The following APBA2 variants were observed in gnomAD, a reference collection of about 807,000 sequenced individuals.
APBA2 encodes the protein amyloid beta precursor protein binding family A member 2, also known as amyloid-beta A4 precursor protein-binding family A member 2.
APBA2 carries 30 observed loss-of-function variants against 75.0 expected under a neutral mutation model. That is an observed-to-expected ratio of 0.40 (90% CI 0.30 to 0.54). The LOEUF (loss-of-function observed/expected upper bound fraction) is 0.54. APBA2 is among the 20% of genes least tolerant of loss of function. The pLI is 0.49. For missense variants in APBA2, 801 were observed against 1,016.1 expected, an observed-to-expected ratio of 0.79 and a Z score of 2.88; for synonymous variants, 444 against 409.6, an observed-to-expected ratio of 1.08 and a Z score of -1.01.
intron 1 of APBA2, among the ~76,000 whole-genome samples, chr15:28,891,851 C>A (rs2032152068): frequency 1.3e-5 from 2 of 152,108 alleles, no homozygotes; most frequent in African/African-American, 4.8e-5. Context: ...TGACAGAGGT[C>A]CCATAAGATT....
chr15:29,083,359 G>A (rs1236815281), intron 6 of APBA2, among the ~76,000 whole-genome samples: 1 of 152,082 alleles, frequency 6.6e-6, no homozygotes, highest in Admixed American at 6.6e-5. Flanking sequence ...CCAGATCCAG[G>A]CTGCTTTATT....
In APBA2 at chr15:29,093,066, C is replaced by T. The variant is rs184776473; in HGVS notation, c.1070-9C>T. On this transcript the variant is annotated splice_polypyrimidine_tract_variant and intron_variant, in intron 6 of 14. Coordinates refer to ENST00000683413, the MANE Select transcript of APBA2 (RefSeq NM_001353788.2). ...TCTAGGAAGACTCTGACTCTGTGCC[C>T]TCCTTCAGTTCCAGGGCCCTGCGAA... 9.9e-5 allele frequency: 159 copies of T among 1,614,194 alleles called. No homozygotes were observed. In the African/African-American group the frequency reaches 1.0e-3, roughly 10 times the overall value.
At chr15:28,964,306 C>T (rs2036623385) in intron 2 of APBA2, among the ~76,000 whole-genome samples, 1 of 152,186 alleles carries the variant, frequency 6.6e-6, no homozygotes, top group African/African-American at 2.4e-5. Flanking sequence ...TCTCCACATC[C>T]TTGCCAGCAT....
At chr15:28,977,818 T>C (rs184709508) in intron 2 of APBA2, among the ~76,000 whole-genome samples, 1 of 151,456 alleles carries the variant, frequency 6.6e-6, no homozygotes, top group African/African-American at 2.4e-5. Flanking sequence ...CTCACAGGAG[T>C]GAGAACCCTA....
At chr15:29,039,097 GGGTGT>G (rs2040893006) in intron 3 of APBA2, among the ~76,000 whole-genome samples, 1 of 136,792 alleles carries the variant, frequency 7.3e-6, no homozygotes, top group Non-Finnish European at 1.5e-5. Context: ...CTGTATGTCA[GGGTGT>G]GTGTGTGTGT....
intron 4 of APBA2, among the ~76,000 whole-genome samples, chr15:29,063,144 T>TG (rs1430821899): frequency 1.0e-5 from 1 of 95,360 alleles, no homozygotes; most frequent in Admixed American, 1.1e-4. Flanking sequence ...GGAGTTGATC[T>TG]GGTCAGTGTC....
At chr15:29,099,863 C>A (rs1371247144) in intron 9 of APBA2, among the ~76,000 whole-genome samples, 1 of 152,252 alleles carries the variant, frequency 6.6e-6, no homozygotes, top group African/African-American at 2.4e-5. Context: ...CTAATACCCA[C>A]AGCCCCAGCT....
intron 10 of APBA2, 137 bp downstream of exon 10, chr15:29,101,921 C>G: frequency 1.2e-6 from 1 of 859,432 alleles, no homozygotes; most frequent in African/African-American, 1.7e-5. Flanking sequence ...GATCAGTGAT[C>G]TTTTGCATAC....
Position 29,114,146 on chromosome 15 carries a change from G to A in APBA2, c.2178+130G>A, listed in dbSNP as rs888896973. 35 of 1,381,238 alleles carry A rather than the reference G, an allele frequency of 2.5e-5. No homozygotes were observed. In the Admixed American group the frequency reaches 2.9e-4, roughly 11 times the overall value. 85.6% of individuals were successfully genotyped at this position (1,381,238 alleles called of 1,614,324 possible). Reference sequence around the variant, plus strand: ...CAGCCAGGCTGTGTCTCCCATCGGGGCTGCTGTGACAAGGGTGAATGGAGC... The same window carrying A: ...CAGCCAGGCTGTGTCTCCCATCGGGACTGCTGTGACAAGGGTGAATGGAGC... On this transcript the variant is annotated intron_variant, in intron 14 of 14. Coordinates refer to ENST00000683413, the MANE Select transcript of APBA2 (RefSeq NM_001353788.2).
chr15:28,987,671 A>G (rs895547343), intron 2 of APBA2, among the ~76,000 whole-genome samples: 3 of 149,736 alleles, frequency 2.0e-5, no homozygotes, highest in African/African-American at 7.5e-5. Flanking sequence ...GCCACACTCA[A>G]AGAGAAAGGA....
chr15:29,009,515 A>C (rs1158012930), intron 3 of APBA2, among the ~76,000 whole-genome samples: 1 of 152,182 alleles, frequency 6.6e-6, no homozygotes, highest in African/African-American at 2.4e-5. Context: ...CCAGACTAGG[A>C]AACAAAACAT....
chr15:28,965,517 C>T (rs755082461), intron 2 of APBA2, among the ~76,000 whole-genome samples: 1 of 152,160 alleles, frequency 6.6e-6, no homozygotes, highest in Non-Finnish European at 1.5e-5. Context: ...AAATACCTTA[C>T]AAAGTTTGAC....
At chr15:29,033,089 C>T (rs1406987218) in intron 3 of APBA2, among the ~76,000 whole-genome samples, 1 of 152,212 alleles carries the variant, frequency 6.6e-6, no homozygotes, top group East Asian at 1.9e-4. Flanking sequence ...GCACTGTGGG[C>T]CCCACCCCAG....
intron 3 of APBA2, among the ~76,000 whole-genome samples, chr15:29,039,752 A>G (rs77913126): frequency 0.039 from 5,996 of 152,266 alleles, 390 homozygotes; most frequent in African/African-American, 0.14. Context: ...AAAAATAAAC[A>G]GGTTTTAACT....
At chr15:29,044,679 A>G (rs936001777) in intron 3 of APBA2, among the ~76,000 whole-genome samples, 5 of 152,190 alleles carry the variant, frequency 3.3e-5, no homozygotes, top group African/African-American at 4.8e-5. Context: ...AGGGTCCTGG[A>G]TAAAGGCTCT....
At chr15:28,984,538 T>G (rs2037794584) in intron 2 of APBA2, among the ~76,000 whole-genome samples, 1 of 152,048 alleles carries the variant, frequency 6.6e-6, no homozygotes, top group Admixed American at 6.5e-5. Context: ...GCCAGGATCC[T>G]TCCTGGTCCC....
In APBA2 at chr15:29,088,146, C is replaced by T. The variant is rs114324884; in HGVS notation, c.1070-4929C>T. ...CTTCCTTGACACTGTGCCCAATACA[C>T]GAGGTCTCCTTGTAGTTGGCCTCCT... On this transcript the variant is annotated intron_variant, in intron 6 of 14. Transcript: ENST00000683413. Among the ~76,000 whole-genome samples, 836 of 152,238 alleles carry T rather than the reference C, an allele frequency of 5.5e-3. 10 individuals are homozygous for T. The highest frequency in any genetic ancestry group is 0.019 in the African/African-American group (798 of 41,544).
intron 9 of APBA2, among the ~76,000 whole-genome samples, chr15:29,100,503 G>C (rs901152477): frequency 6.6e-6 from 1 of 152,350 alleles, no homozygotes; most frequent in South Asian, 2.1e-4. Flanking sequence ...GTGCAGTCTT[G>C]TTAGGTAGGG....
chr15:29,042,196 A>C (rs1177383193), intron 3 of APBA2, among the ~76,000 whole-genome samples: 1 of 152,188 alleles, frequency 6.6e-6, no homozygotes, highest in Non-Finnish European at 1.5e-5. Context: ...AGAGGACACC[A>C]GTCCTATTGG....
Sources: gnomAD v4.1 joint callset for allele counts (sites outside exome capture counted in the v4.1 genomes callset) on GRCh38, gnomAD v4.1.1 for gene constraint, MANE v1.5 for transcripts, NCBI Gene and HGNC (gene_info 2026-07-23, HGNC 2026-07-21) for gene names.